Variants in CCDC134 observed in about 807,000 individuals in gnomAD.
The protein encoded by CCDC134 is coiled-coil domain containing 134.
CCDC134 carries 27 observed loss-of-function variants against 25.6 expected under a neutral mutation model. The ratio of observed to expected loss-of-function variants is 1.05; its 90% CI spans 0.78 to 1.45. The LOEUF is 1.45. Ranked by LOEUF, CCDC134 falls within the 40% of genes most tolerant of loss-of-function variation. The pLI is 0.00. For missense variants in CCDC134, 261 were observed against 286.7 expected, an observed-to-expected ratio of 0.91 and a Z score of 0.65; for synonymous variants, 110 against 115.0, an observed-to-expected ratio of 0.96 and a Z score of 0.28.
At chr22:41,820,063 T>C (rs2076643404) in intron 6 of CCDC134, among the ~76,000 whole-genome samples, 1 of 148,080 alleles carries the variant, frequency 6.8e-6, no homozygotes, top group Non-Finnish European at 1.5e-5. Context: ...TGGCGCGATC[T>C]TGGCTCACTG....
At position 41,825,609 on chromosome 22, in the gene CCDC134, T is replaced by G; in HGVS notation, c.565-89T>G. The G allele has an allele frequency of 6.5e-7, 1 of 1,545,888 alleles. No homozygotes were observed. Among genetic ancestry groups the G allele is most frequent in the Non-Finnish European group, 8.8e-7 (1 of 1,134,154 alleles). On this transcript the variant is annotated intron_variant, in intron 6 of 6. Transcript: ENST00000255784. The surrounding 1 kb of genome is among the most constrained non-coding windows in gnomAD (Gnocchi z 4.4). ...GGCAGGGCCTGTGTCCAGGGAACCT[T>G]CCTATTCCCACACCCCGCTGGTGGC...
At chr22:41,818,389 C>T (rs1160918831) in intron 6 of CCDC134, among the ~76,000 whole-genome samples, 2 of 152,210 alleles carry the variant, frequency 1.3e-5, no homozygotes, top group Non-Finnish European at 2.9e-5. Context: ...ATTGTTTGCA[C>T]AAACAGTTTA....
rs1020918966 is a variant in CCDC134, at chr22:41,827,048, G to A, written c.*1225G>A. ...CTTCATTGGCAAAATGAATTTGATG[G>A]TATCTGTATCCCCTGCCCAGCCCTA... On this transcript the variant is annotated 3_prime_UTR_variant, in exon 7 of 7. Transcript: ENST00000255784. 1.3e-5 allele frequency among the ~76,000 whole-genome samples: 2 copies of A among 152,218 alleles called. No individual in the cohort carries two copies. Among genetic ancestry groups the A allele is most frequent in the African/African-American group, 4.8e-5 (2 of 41,448 alleles).
At chr22:41,821,189 C>T (rs969745363) in intron 6 of CCDC134, among the ~76,000 whole-genome samples, 4 of 151,918 alleles carry the variant, frequency 2.6e-5, no homozygotes, top group Non-Finnish European at 5.9e-5. Context: ...ATGTTGAGGC[C>T]GCTGGTGGTC....
At chr22:41,809,831 G>C in intron 2 of CCDC134, 48 bp from the exon 3 acceptor site, 1 of 1,611,296 alleles carries the variant, frequency 6.2e-7, no homozygotes, top group Non-Finnish European at 8.5e-7. Flanking sequence ...CTGCTGGATT[G>C]TCCAGGCAGG....
In CCDC134 at chr22:41,830,727, T is replaced by C. The variant is rs1327470062; in HGVS notation, c.*4904T>C. On this transcript the variant is annotated 3_prime_UTR_variant, in exon 7 of 7. Coordinates refer to ENST00000255784, the MANE Select transcript of CCDC134 (RefSeq NM_024821.5). ...TCATTATAAAACGTAATTTAAGCAA[T>C]ACTGAAATGCCAAAAAGAAAGTAAA... 1.3e-5 allele frequency among the ~76,000 whole-genome samples: 2 copies of C among 152,044 alleles called. No homozygotes were observed. The highest frequency in any genetic ancestry group is 1.9e-4 in the East Asian group (1 of 5,194).
Position 41,813,307 on chromosome 22 carries a change from G to C in CCDC134, c.354G>C (p.Val118=), listed in dbSNP as rs762977355. ...AGAACACGGCCTTCTTCGGCGATGT[G>C]GTGCTGCGCTTCCCGAGGATTGTGC... ...VVENTAFFGD[V]VLRFPRIVHY... is the part of the protein sequence containing the mutation. The change falls in exon 5 of 7, where the codon GTG becomes GTC. Residue 118 remains valine (V), a synonymous_variant. Transcript: ENST00000255784. 6.2e-7 allele frequency: 1 copy of C among 1,614,168 alleles called. No homozygotes were observed. Among genetic ancestry groups the C allele is most frequent in the Non-Finnish European group, 8.5e-7 (1 of 1,180,034 alleles).
At chr22:41,823,357 C>T (rs1006162239) in intron 6 of CCDC134, among the ~76,000 whole-genome samples, 60 of 151,398 alleles carry the variant, frequency 4.0e-4, no homozygotes, top group Admixed American at 4.0e-3. Context: ...CCAAAGTAGC[C>T]GGGAATACAG....
intron 6 of CCDC134, among the ~76,000 whole-genome samples, chr22:41,823,370 G>A (rs962567635): frequency 2.0e-5 from 3 of 151,730 alleles, no homozygotes; most frequent in Non-Finnish European, 2.9e-5. Flanking sequence ...GAATACAGGC[G>A]CCCATCACCA....
At chr22:41,817,771 A>AAAT (rs2076629913) in intron 6 of CCDC134, among the ~76,000 whole-genome samples, 2 of 129,236 alleles carry the variant, frequency 1.5e-5, no homozygotes, top group Admixed American at 1.6e-4. Context: ...AATAAATAAA[A>AAAT]AGAGAGGGGT....
At chr22:41,807,706 G>T (rs1387639498) in intron 1 of CCDC134, among the ~76,000 whole-genome samples, 1 of 152,228 alleles carries the variant, frequency 6.6e-6, no homozygotes, top group African/African-American at 2.4e-5. Context: ...CACCAGGAAA[G>T]TGAACTTCAC....
intron 6 of CCDC134, among the ~76,000 whole-genome samples, chr22:41,818,143 G>A (rs112997320): frequency 2.0e-5 from 3 of 152,212 alleles, no homozygotes; most frequent in African/African-American, 4.8e-5. Flanking sequence ...ATCAGGCAAA[G>A]TCCAGGGGAA....
intron 6 of CCDC134, among the ~76,000 whole-genome samples, chr22:41,814,583 G>A (rs530889732): frequency 3.0e-4 from 45 of 152,034 alleles, no homozygotes; most frequent in Non-Finnish European, 4.7e-4. Flanking sequence ...AAAAAAAGGG[G>A]GGACAGATAC....
chr22:41,826,032 G>A lies in CCDC134; in HGVS notation c.*209G>A. On this transcript the variant is annotated 3_prime_UTR_variant, in exon 7 of 7. Coordinates refer to ENST00000255784, the MANE Select transcript of CCDC134 (RefSeq NM_024821.5). The stretch of plus-strand genomic sequence containing the variant: ...TTTCTCTCAGGGGCCTCCTGCTGAA[G>A]GGGCCTTCAGAGGATTTTATGCTGG... 3.4e-6 allele frequency: 2 copies of A among 583,910 alleles called. No homozygotes were observed. The highest frequency in any genetic ancestry group is 4.1e-5 in the South Asian group (2 of 48,408). 36.2% of individuals were successfully genotyped at this position (583,910 alleles called of 1,614,324 possible).
Position 41,825,916 on chromosome 22 carries a change from GC to G in CCDC134, c.*97del. 2 of 1,533,496 alleles carry G rather than the reference GC, an allele frequency of 1.3e-6. No individual in the cohort carries two copies. Among genetic ancestry groups the G allele is most frequent in the South Asian group, 2.5e-5 (2 of 81,094 alleles). The allele number at this position is 1,533,496 out of a possible 1,614,324, so 95.0% of individuals were successfully genotyped here. ...TGGTTGTGGTGGAGAGCACCAGCTA[GC>G]CCCTTCCAGAAGGGGAGGCCACATT... On this transcript the variant is annotated 3_prime_UTR_variant, in exon 7 of 7. Coordinates refer to ENST00000255784, the MANE Select transcript of CCDC134 (RefSeq NM_024821.5). The surrounding 1 kb of genome is among the most constrained non-coding windows in gnomAD (Gnocchi z 4.4).
chr22:41,805,772 G>T (rs1284128451), intron 1 of CCDC134, among the ~76,000 whole-genome samples: 1 of 152,128 alleles, frequency 6.6e-6, no homozygotes, highest in Non-Finnish European at 1.5e-5. Flanking sequence ...TCTACAAAAA[G>T]ATTTTAAAAA....
intron 6 of CCDC134, among the ~76,000 whole-genome samples, chr22:41,815,331 C>A (rs945106858): frequency 6.6e-6 from 1 of 151,564 alleles, no homozygotes; most frequent in African/African-American, 2.4e-5. Context: ...TCAGCCTCCC[C>A]AGTAGCTGGG....
rs2148323854 is a variant in CCDC134, at chr22:41,827,498, T to G, written c.*1675T>G. ...AAAGCAAGGAAGGAATGAAGGGTTT[T>G]ACTGAGAATGAAAGTATACTCCACA... On this transcript the variant is annotated 3_prime_UTR_variant, in exon 7 of 7. Coordinates refer to ENST00000255784, the MANE Select transcript of CCDC134 (RefSeq NM_024821.5). Among the ~76,000 whole-genome samples the G allele has an allele frequency of 6.6e-6, 1 of 152,250 alleles. No homozygotes were observed.
At chr22:41,801,617 C>G (rs542882189) in intron 1 of CCDC134, among the ~76,000 whole-genome samples, 2 of 152,194 alleles carry the variant, frequency 1.3e-5, no homozygotes, top group East Asian at 3.9e-4. Flanking sequence ...TAATCTTGTA[C>G]CTGACCGACA....
Sources: gnomAD v4.1 joint callset for allele counts (sites outside exome capture counted in the v4.1 genomes callset) on GRCh38, gnomAD v4.1.1 for gene constraint, Gnocchi (gnomAD v3.1) non-coding constraint, MANE v1.5 for transcripts, NCBI Gene and HGNC (gene_info 2026-07-23, HGNC 2026-07-21) for gene names.